Variants in SIL1 observed in about 807,000 individuals in gnomAD.
SIL1 encodes nucleotide exchange factor SIL1.
SIL1 carries 40 observed loss-of-function variants against 49.1 expected under a neutral mutation model. The ratio of observed to expected loss-of-function variants is 0.81; its 90% CI spans 0.63 to 1.06. The LOEUF (loss-of-function observed/expected upper bound fraction) is 1.06, where lower values mean the gene tolerates loss of function less well. Ranked by LOEUF, SIL1 falls within the 50% of genes least tolerant of loss-of-function variation. The probability of loss-of-function intolerance (pLI) is 0.00; values close to 1 mark genes in which losing one functional copy is unlikely to be tolerated. For synonymous variants in SIL1, 253 were observed against 250.8 expected (o/e 1.01, Z -0.08); for missense variants, 500 against 572.6 (o/e 0.87, Z 1.29).
At chr5:138,968,828 C>T (rs538295814) in intron 7 of SIL1, among the ~76,000 whole-genome samples, 3 of 152,278 alleles carry the variant, frequency 2.0e-5, no homozygotes, top group South Asian at 4.1e-4. Context: ...GCACTAGGCA[C>T]GTGGATGGGT....
At chr5:138,983,143 G>C (rs1044820048) in intron 7 of SIL1, among the ~76,000 whole-genome samples, 6 of 134,832 alleles carry the variant, frequency 4.4e-5, no homozygotes, top group African/African-American at 1.6e-4. Context: ...AGGGTGCAGT[G>C]AGCCAAGATC....
At position 139,196,754 on chromosome 5, in the gene SIL1, T is replaced by C. The variant is rs557527398; in HGVS notation, c.-11+1515A>G. ...AAATAAATGTGGTGTGGTAACACCA[T>C]CTTAAAAACCCGAGAGCCATGTTCT... On this transcript the variant is annotated intron_variant, in intron 1 of 9. Transcript: ENST00000394817. Among the ~76,000 whole-genome samples the C allele has an allele frequency of 5.3e-5, 8 of 152,242 alleles. No individual in the cohort carries two copies. The South Asian group carries it at 1.7e-3, about 32-fold the overall frequency.
At position 139,050,987 on chromosome 5, in the gene SIL1, CCT is replaced by C; in HGVS notation, c.302_303del (p.Glu101GlyfsTer6). ...VRLNLQTGER[E>X]AKLQYEDKFR... The stretch of plus-strand genomic sequence containing the variant: ...AACTTGTCCTCATATTGGAGTTTTG[CCT>C]CTCTTTCCCCAGTCTGAAGATTCAG... On this transcript the variant is annotated frameshift_variant, in exon 4 of 10. Transcript: ENST00000394817. LOFTEE classifies it high-confidence loss of function. The C allele has an allele frequency of 1.2e-6, 2 of 1,614,176 alleles. No homozygotes were observed. Among genetic ancestry groups the C allele is most frequent in the South Asian group, 2.2e-5 (2 of 91,086 alleles).
intron 1 of SIL1, among the ~76,000 whole-genome samples, chr5:139,147,308 G>C (rs1751212642): frequency 6.6e-6 from 1 of 152,112 alleles, no homozygotes. Flanking sequence ...CCTACCCTGA[G>C]ACACTCATCT....
chr5:139,170,970 C>T (rs1581149209), intron 1 of SIL1, among the ~76,000 whole-genome samples: 2 of 148,506 alleles, frequency 1.3e-5, no homozygotes, highest in African/African-American at 4.9e-5. Context: ...GTCCCCCGCC[C>T]GGCCAGCCGC....
At chr5:139,055,605 TCCCTCTCCCTCTCC>T (rs1212974234) in intron 3 of SIL1, among the ~76,000 whole-genome samples, 3 of 96,228 alleles carry the variant, frequency 3.1e-5, no homozygotes, top group Non-Finnish European at 6.2e-5. Flanking sequence ...CCTCTCCCTC[TCCCTCTCCCTCTCC>T]CCCTCTCCCC....
chr5:139,024,818 C>A (rs1182123233), intron 6 of SIL1, among the ~76,000 whole-genome samples: 1 of 152,222 alleles, frequency 6.6e-6, no homozygotes, highest in Non-Finnish European at 1.5e-5. Flanking sequence ...CAAGTTCACT[C>A]TTTTCCATGG....
chr5:139,011,473 A>T (rs1217615121), intron 7 of SIL1, among the ~76,000 whole-genome samples: 1 of 152,208 alleles, frequency 6.6e-6, no homozygotes, highest in Non-Finnish European at 1.5e-5. Context: ...CTATTCGGCC[A>T]TCTTGGCTCC....
intron 7 of SIL1, among the ~76,000 whole-genome samples, chr5:138,997,791 T>G (rs140927619): frequency 6.6e-6 from 1 of 152,192 alleles, no homozygotes; most frequent in Non-Finnish European, 1.5e-5. Flanking sequence ...ACTCCTGACC[T>G]CAAGTGATCC....
intron 6 of SIL1, among the ~76,000 whole-genome samples, chr5:139,025,219 T>C (rs1367844063): frequency 1.3e-5 from 2 of 152,206 alleles, no homozygotes. Context: ...GGCTCCTTGT[T>C]AGCTCCACCT....
At chr5:139,090,584 C>T (rs1261295898) in intron 3 of SIL1, among the ~76,000 whole-genome samples, 3 of 152,104 alleles carry the variant, frequency 2.0e-5, no homozygotes, top group Admixed American at 6.6e-5. Context: ...ATTTAATATA[C>T]AGTAAGAGCA....
intron 5 of SIL1, among the ~76,000 whole-genome samples, chr5:139,031,160 CTT>C (rs1467129388): frequency 6.6e-6 from 1 of 152,002 alleles, no homozygotes; most frequent in African/African-American, 2.4e-5. Flanking sequence ...TTTTATAAAT[CTT>C]ACATTTGGTG....
intron 5 of SIL1, among the ~76,000 whole-genome samples, chr5:139,031,630 A>G (rs538995309): frequency 6.6e-6 from 1 of 152,352 alleles, no homozygotes; most frequent in Admixed American, 6.5e-5. Flanking sequence ...GAATAAGCTC[A>G]TCTACAAAAA....
intron 3 of SIL1, among the ~76,000 whole-genome samples, chr5:139,119,192 C>T (rs1172060773): frequency 6.6e-6 from 1 of 152,204 alleles, no homozygotes; most frequent in African/African-American, 2.4e-5. Flanking sequence ...AGGAGTCTCT[C>T]AGAGTCCACA....
intron 7 of SIL1, among the ~76,000 whole-genome samples, chr5:138,999,777 A>G (rs1002105735): frequency 6.6e-6 from 1 of 152,156 alleles, no homozygotes; most frequent in African/African-American, 2.4e-5. Flanking sequence ...TTCTAAGTAG[A>G]AGATCTGTTG....
At chr5:139,043,925 G>A (rs1222732152) in intron 4 of SIL1, among the ~76,000 whole-genome samples, 2 of 152,222 alleles carry the variant, frequency 1.3e-5, no homozygotes, top group Non-Finnish European at 2.9e-5. Context: ...TTTCAGAGGT[G>A]AGGAGGAAGG....
In SIL1 at chr5:138,948,345, C is replaced by G. The variant is rs1462372916; in HGVS notation, c.1030-872G>C. On this transcript the variant is annotated intron_variant, in intron 9 of 9. Transcript: ENST00000394817. The surrounding 1 kb of genome is among the most constrained non-coding windows in gnomAD (Gnocchi z 4.8). ...GTCCTTTCCTACTTCACCCCTCAGT[C>G]CTGCCAGCTTCGCTTCCAAAACACA... Among the ~76,000 whole-genome samples, 1 of 152,156 alleles carries G rather than the reference C, an allele frequency of 6.6e-6. No individual in the cohort carries two copies. Among genetic ancestry groups the G allele is most frequent in the Non-Finnish European group, 1.5e-5 (1 of 68,026 alleles).
chr5:138,962,304 A>ATTTTTTTT (rs76466712), intron 7 of SIL1, among the ~76,000 whole-genome samples: 1 of 143,062 alleles, frequency 7.0e-6, no homozygotes, highest in African/African-American at 2.6e-5. Context: ...GACTTTTTCC[A>ATTTTTTTT]TTTTTTTTTT....
chr5:138,963,429 C>T (rs754197337), intron 7 of SIL1, among the ~76,000 whole-genome samples: 9 of 152,144 alleles, frequency 5.9e-5, no homozygotes, highest in Non-Finnish European at 1.2e-4. Flanking sequence ...GCCTATTTTG[C>T]GTTTGCCACA....
Sources: gnomAD v4.1 joint callset for allele counts (sites outside exome capture counted in the v4.1 genomes callset) on GRCh38, gnomAD v4.1.1 for gene constraint, Gnocchi (gnomAD v3.1) non-coding constraint, MANE v1.5 for transcripts, NCBI Gene and HGNC (gene_info 2026-07-23, HGNC 2026-07-21) for gene names.